Variants in LGALS12 observed in about 807,000 individuals in gnomAD.
LGALS12 encodes the protein galectin-12.
A neutral mutation model predicts 36.8 loss-of-function variants in LGALS12; 36 were observed. That is an observed-to-expected ratio of 0.98 (90% CI 0.75 to 1.29). The LOEUF is 1.29. Ranked by LOEUF, LGALS12 falls within the 50% of genes most tolerant of loss-of-function variation. The pLI is 0.00. For synonymous variants in LGALS12, 145 were observed against 155.9 expected, an observed-to-expected ratio of 0.93 and a Z score of 0.52; for missense variants, 366 against 394.3, an observed-to-expected ratio of 0.93 and a Z score of 0.61.
chr11:63,509,057 C>A, intron 3 of LGALS12, 66 bp downstream of exon 3: 1 of 1,242,484 alleles, frequency 8.0e-7, no homozygotes, highest in Non-Finnish European at 1.2e-6. Context: ...TTCCCTCAGC[C>A]AGACTCCCCA....
intron 4 of LGALS12, 114 bp from the exon 5 acceptor site, chr11:63,510,349 C>A: frequency 9.7e-7 from 1 of 1,030,240 alleles, no homozygotes; most frequent in Non-Finnish European, 1.5e-6. Context: ...CACTGACCAG[C>A]CGAATGGGAA....
chr11:63,508,497 G>A, intron 1 of LGALS12, 56 bp from the exon 2 acceptor site: 3 of 1,608,062 alleles, frequency 1.9e-6, no homozygotes, highest in Non-Finnish European at 2.5e-6. Context: ...GCCTGACATA[G>A]AGGTCCCTAA....
At position 63,516,238 on chromosome 11, in the gene LGALS12, C is replaced by A; in HGVS notation, c.799-9C>A. On this transcript the variant is annotated splice_polypyrimidine_tract_variant and intron_variant, in intron 8 of 8. Transcript: ENST00000394618. ...GAAGCTGCAACCCCCTCATGTCCTCCTTTCCCAGGTGCTGCTCCTGTTCCA... is the reference window on the plus strand; with the variant it reads ...GAAGCTGCAACCCCCTCATGTCCTCATTTCCCAGGTGCTGCTCCTGTTCCA... 6.4e-7 allele frequency: 1 copy of A among 1,552,458 alleles called. No homozygotes were observed. Among genetic ancestry groups the A allele is most frequent in the Non-Finnish European group, 8.7e-7 (1 of 1,153,300 alleles).
chr11:63,512,374 G>A (rs555155693), intron 7 of LGALS12, among the ~76,000 whole-genome samples: 8 of 152,298 alleles, frequency 5.3e-5, no homozygotes, highest in South Asian at 2.1e-4. Context: ...TTGAGGAAAC[G>A]CATTAGAGTT....
chr11:63,509,854 T>C lies in LGALS12; in HGVS notation c.449T>C (p.Phe150Ser), dbSNP rs1343143108. ...TCTCATGTGGACACGCTGGGTATAT[T>C]TGGTGACATCCTGGTAGAGGCTGTT... is the stretch of plus-strand genomic sequence containing the variant. ...PLSHVDTLGI[F>S]GDILVEAVGF... Residue 150 changes from phenylalanine to serine, a missense_variant, in exon 4 of 9, where the codon TTT becomes TCT. Coordinates refer to ENST00000394618, the MANE Select transcript of LGALS12 (RefSeq NM_033101.4). 2 of 1,614,150 alleles carry C rather than the reference T, an allele frequency of 1.2e-6. No homozygotes were observed. The highest frequency in any genetic ancestry group is 1.7e-6 in the Non-Finnish European group (2 of 1,180,012).
chr11:63,512,708 A>T (rs1206486805), intron 7 of LGALS12, among the ~76,000 whole-genome samples: 3 of 150,658 alleles, frequency 2.0e-5, no homozygotes, highest in Non-Finnish European at 2.9e-5. Context: ...AGAATCGCTT[A>T]TACCCGGGAG....
chr11:63,509,066 C>A, intron 3 of LGALS12, 75 bp downstream of exon 3: 1 of 1,168,176 alleles, frequency 8.6e-7, no homozygotes, highest in Non-Finnish European at 1.2e-6. Flanking sequence ...CCAGACTCCC[C>A]ACGACACAAT....
chr11:63,516,088 G>A (rs1009375916), intron 8 of LGALS12, among the ~76,000 whole-genome samples, 159 bp from the exon 9 acceptor site: 30 of 152,308 alleles, frequency 2.0e-4, no homozygotes, highest in African/African-American at 6.7e-4. Flanking sequence ...GTGACAAGCC[G>A]GGCCCCTTAT....
At position 63,516,681 on chromosome 11, in the gene LGALS12, G is replaced by A. The variant is rs969116400; in HGVS notation, c.*288G>A. The stretch of plus-strand genomic sequence containing the variant: ...GAGGCAAGTGTTGTAGACTAACAAA[G>A]ATACTCCAAAATACAATGGCTTAAA... On this transcript the variant is annotated 3_prime_UTR_variant, in exon 9 of 9. Coordinates refer to ENST00000394618, the MANE Select transcript of LGALS12 (RefSeq NM_033101.4). 7.0e-5 allele frequency: 29 copies of A among 414,516 alleles called. No individual in the cohort carries two copies. Among genetic ancestry groups the A allele is most frequent in the African/African-American group, 6.0e-4 (29 of 48,026 alleles). 25.7% of individuals were successfully genotyped at this position (414,516 alleles called of 1,614,324 possible).
At chr11:63,511,263 A>G (rs962735312) in intron 6 of LGALS12, among the ~76,000 whole-genome samples, 158 bp downstream of exon 6, 6 of 152,188 alleles carry the variant, frequency 3.9e-5, no homozygotes, top group Admixed American at 2.0e-4. Flanking sequence ...TTATGCCCCC[A>G]GCCGCATGAT....
chr11:63,514,163 G>A (rs2017008840), intron 7 of LGALS12, among the ~76,000 whole-genome samples: 1 of 152,212 alleles, frequency 6.6e-6, no homozygotes, highest in Non-Finnish European at 1.5e-5. Flanking sequence ...GCCCTTGAAA[G>A]GCCTGTCCAG....
chr11:63,515,843 G>C, intron 8 of LGALS12, 130 bp downstream of exon 8: 1 of 943,114 alleles, frequency 1.1e-6, no homozygotes, highest in South Asian at 1.6e-5. Flanking sequence ...AGCCAGCAGA[G>C]CACAGCGAAT....
Position 63,515,706 on chromosome 11 carries a change from T to C in LGALS12, c.791T>C (p.Phe264Ser), listed in dbSNP as rs146548773. The C allele has an allele frequency of 1.2e-6, 2 of 1,613,936 alleles. No individual in the cohort carries two copies. Among genetic ancestry groups the C allele is most frequent in the Non-Finnish European group, 1.7e-6 (2 of 1,179,988 alleles). The change falls in exon 8 of 9, where the codon TTC becomes TCC. Residue 264 changes from phenylalanine to serine, a missense_variant. By Grantham distance (155) the Phe-to-Ser change is radical. Coordinates refer to ENST00000394618, the MANE Select transcript of LGALS12 (RefSeq NM_033101.4). The stretch of plus-strand genomic sequence containing the variant: ...CCCTTCCTCTTTTACCCCCAGAGAT[T>C]CTTTGAGGTAGGTCAGAGCCAAATG... ...SAPFLFYPQR[F>S]FEVLLLFQEG... is the part of the protein sequence containing the mutation.
At chr11:63,510,575 A>G (rs1171575180) in intron 5 of LGALS12, 74 bp downstream of exon 5, 8 of 1,440,458 alleles carry the variant, frequency 5.6e-6, no homozygotes, top group African/African-American at 1.4e-5. Flanking sequence ...CTCCCATTAC[A>G]CAAGGCCCAG....
chr11:63,515,851 A>C (rs1290442165), intron 8 of LGALS12, 138 bp downstream of exon 8: 2 of 885,748 alleles, frequency 2.3e-6, no homozygotes, highest in African/African-American at 3.4e-5. Context: ...GAGCACAGCG[A>C]ATGTCTGTAC....
chr11:63,516,186 T>C, intron 8 of LGALS12, 61 bp from the exon 9 acceptor site: 1 of 1,516,638 alleles, frequency 6.6e-7, no homozygotes, highest in East Asian at 2.3e-5. Flanking sequence ...GGAGAGAGCG[T>C]CAGGCAGACA....
In LGALS12 at chr11:63,511,114, A is replaced by G; in HGVS notation, c.558+9A>G. 6.2e-7 allele frequency: 1 copy of G among 1,612,336 alleles called. No individual in the cohort carries two copies. The highest frequency in any genetic ancestry group is 1.1e-5 in the South Asian group (1 of 91,050). ...TGATGAGCCCCAGGCTGGTGAGTGA[A>G]CCTCCCTCCTGCTCTGTCAGGGCTG... is the stretch of plus-strand genomic sequence containing the variant. On this transcript the variant is annotated intron_variant, in intron 6 of 8. Transcript: ENST00000394618.
rs751681469 is a variant in LGALS12, at chr11:63,511,761, T to G, written c.568T>G (p.Cys190Gly). 1.9e-6 allele frequency: 3 copies of G among 1,613,224 alleles called. No homozygotes were observed. Among genetic ancestry groups the G allele is most frequent in the Admixed American group, 3.3e-5 (2 of 60,016 alleles). Residue 190 changes from cysteine to glycine, a missense_variant, in exon 7 of 9, where the codon TGC (cysteine) becomes GGC (glycine). Physicochemically the swap from Cys to Gly is radical, Grantham distance 159 (BLOSUM62 -3). Transcript: ENST00000394618. ...TCCCTTGTTCCTTCAGGAGGTGCCC[T>G]GCTCACATGCTCTTCCCCAGGGTCT... ...LLMSPRLEVP[C>G]SHALPQGLSP...
chr11:63,515,510 C>T (rs149310430), intron 7 of LGALS12, 53 bp from the exon 8 acceptor site: 464 of 1,596,316 alleles, frequency 2.9e-4, no homozygotes, highest in Admixed American at 2.1e-3. Flanking sequence ...GGCTGAGCAG[C>T]GGCCTATGGG....
Sources: gnomAD v4.1 joint callset for allele counts (sites outside exome capture counted in the v4.1 genomes callset) on GRCh38, gnomAD v4.1.1 for gene constraint, MANE v1.5 for transcripts, NCBI Gene and HGNC (gene_info 2026-07-23, HGNC 2026-07-21) for gene names.